Variants in STK24 observed in about 807,000 individuals in gnomAD.
STK24 encodes serine/threonine kinase 24.
Under a neutral mutation model 55.6 loss-of-function variants are expected in STK24, and 21 were observed. That is an observed-to-expected ratio of 0.38 (90% CI 0.27 to 0.54). STK24 has a LOEUF of 0.54. Among genes scored for constraint, STK24 ranks in the 20% least tolerant of loss-of-function variants. The pLI, the probability that STK24 is intolerant of heterozygous loss-of-function variation, is 0.79. For synonymous variants in STK24, 200 were observed against 215.2 expected (o/e 0.93, Z 0.62); for missense variants, 383 against 538.4 (o/e 0.71, Z 2.86).
intron 8 of STK24, 93 bp from the exon 9 acceptor site, chr13:98,460,533 A>G (rs1212145404): frequency 2.6e-5 from 27 of 1,039,370 alleles, no homozygotes; most frequent in Non-Finnish European, 3.5e-5. Context: ...ATGGAAGCGC[A>G]GGAGTTGCCT....
At chr13:98,462,619 C>A (rs536056996) in intron 7 of STK24, among the ~76,000 whole-genome samples, 1 of 152,258 alleles carries the variant, frequency 6.6e-6, no homozygotes, top group East Asian at 1.9e-4. Flanking sequence ...CCCACATGCC[C>A]CAACTGACAC....
At chr13:98,535,273 G>A (rs1178098321) in intron 1 of STK24, among the ~76,000 whole-genome samples, 2 of 143,332 alleles carry the variant, frequency 1.4e-5, no homozygotes, top group African/African-American at 5.2e-5. Context: ...GGAGACGGAG[G>A]CTGCAGTGAG....
chr13:98,576,184 G>C (rs1897886429), intron 1 of STK24: 2 of 985,270 alleles, frequency 2.0e-6, no homozygotes, highest in Admixed American at 6.1e-5. Flanking sequence ...CAAAGCCACT[G>C]CAAGTGGAAC....
intron 2 of STK24, among the ~76,000 whole-genome samples, chr13:98,489,010 C>G (rs578111390): frequency 6.6e-6 from 1 of 152,290 alleles, no homozygotes; most frequent in Non-Finnish European, 1.5e-5. Context: ...CACAGACTTC[C>G]TTAAGAGCGT....
chr13:98,492,214 T>G (rs1323467352), intron 2 of STK24, among the ~76,000 whole-genome samples: 2 of 152,004 alleles, frequency 1.3e-5, no homozygotes, highest in Non-Finnish European at 2.9e-5. Flanking sequence ...GGCACAGTAT[T>G]TTTTAAGGGC....
At position 98,446,565 on chromosome 13, in the gene STK24, C is replaced by A; in HGVS notation, c.*6608G>T. 7.9e-7 allele frequency: 1 copy of A among 1,264,472 alleles called. No homozygotes were observed. The allele number at this position is 1,264,472 out of a possible 1,614,324, so 78.3% of individuals were successfully genotyped here. Reference sequence around the variant, plus strand: ...TCCAGGCCCACGCCCGAGGAGGGAGCTGCCTGGGCTCCCAAGTCCCTGTCT... The same window carrying A: ...TCCAGGCCCACGCCCGAGGAGGGAGATGCCTGGGCTCCCAAGTCCCTGTCT... On this transcript the variant is annotated 3_prime_UTR_variant, in exon 11 of 11. Transcript: ENST00000539966.
At chr13:98,482,081 AG>A (rs1566360025) in intron 3 of STK24, among the ~76,000 whole-genome samples, 183 bp downstream of exon 3, 1 of 151,898 alleles carries the variant, frequency 6.6e-6, no homozygotes, top group Non-Finnish European at 1.5e-5. Context: ...AAAAAAAAAA[AG>A]GTAAACCAAT....
intron 1 of STK24, among the ~76,000 whole-genome samples, chr13:98,548,023 A>C (rs557013640): frequency 6.6e-6 from 1 of 152,180 alleles, no homozygotes; most frequent in Non-Finnish European, 1.5e-5. Context: ...TTCCCGCTCC[A>C]GCAGCAAATC....
At chr13:98,517,787 G>A (rs1896119796) in intron 2 of STK24, among the ~76,000 whole-genome samples, 1 of 152,128 alleles carries the variant, frequency 6.6e-6, no homozygotes, top group African/African-American at 2.4e-5. Context: ...CTTTAACCCT[G>A]GTTTCCTTGG....
chr13:98,561,563 CAGAGTG>C (rs1462409990), intron 1 of STK24, among the ~76,000 whole-genome samples: 1 of 149,556 alleles, frequency 6.7e-6, no homozygotes, highest in Non-Finnish European at 1.5e-5. Flanking sequence ...GCTAGGGCAA[CAGAGTG>C]AGACTGTCTC....
chr13:98,464,489 G>A (rs1893852479), intron 6 of STK24, among the ~76,000 whole-genome samples: 2 of 128,082 alleles, frequency 1.6e-5, no homozygotes, highest in Non-Finnish European at 3.3e-5. Flanking sequence ...GTTCTGTGTT[G>A]TTTAACTTTT....
At chr13:98,488,842 C>T (rs1179753968) in intron 2 of STK24, among the ~76,000 whole-genome samples, 1 of 152,206 alleles carries the variant, frequency 6.6e-6, no homozygotes, top group Non-Finnish European at 1.5e-5. Context: ...AGATGCTACA[C>T]AGCTAACAGT....
At chr13:98,535,087 G>A (rs1896678923) in intron 1 of STK24, among the ~76,000 whole-genome samples, 2 of 152,160 alleles carry the variant, frequency 1.3e-5, no homozygotes, top group Non-Finnish European at 2.9e-5. Context: ...GGTGGCTCAC[G>A]CCTGTAATCC....
intron 2 of STK24, among the ~76,000 whole-genome samples, chr13:98,511,084 G>A (rs1023413012): frequency 2.6e-5 from 4 of 152,066 alleles, no homozygotes; most frequent in East Asian, 1.9e-4. Context: ...CTGCAGCCTC[G>A]AACACCTGGG....
At chr13:98,476,368 C>T (rs72655609) in intron 3 of STK24, among the ~76,000 whole-genome samples, 10 of 152,118 alleles carry the variant, frequency 6.6e-5, no homozygotes, top group Admixed American at 4.6e-4. Flanking sequence ...GATGTCTAAT[C>T]GATGCAGGTA....
Position 98,473,003 on chromosome 13 carries a change from T to C in STK24, c.597+1818A>G, listed in dbSNP as rs1212781557. ...CTGCCCCGCCACTCTCTAGGGATAT[T>C]TGTCACCTAAGGCAGGTAACTCACT... On this transcript the variant is annotated intron_variant, in intron 5 of 10. Coordinates refer to ENST00000539966, the MANE Select transcript of STK24 (RefSeq NM_001032296.4). 3.3e-5 allele frequency among the ~76,000 whole-genome samples: 5 copies of C among 151,900 alleles called. No individual in the cohort carries two copies. The East Asian group carries it at 9.9e-4, about 30-fold the overall frequency.
In STK24 at chr13:98,446,580, A is replaced by G; in HGVS notation, c.*6593T>C. 1 of 1,436,764 alleles carries G rather than the reference A, an allele frequency of 7.0e-7. No homozygotes were observed. The highest frequency in any genetic ancestry group is 9.7e-7 in the Non-Finnish European group (1 of 1,034,194). The allele number at this position is 1,436,764 out of a possible 1,614,324, so 89.0% of individuals were successfully genotyped here. ...GAGGAGGGAGCTGCCTGGGCTCCCA[A>G]GTCCCTGTCTGATGCGGGGCAGCAG... On this transcript the variant is annotated 3_prime_UTR_variant, in exon 11 of 11. Transcript: ENST00000539966.
chr13:98,449,251 C>T lies in STK24; in HGVS notation c.*3922G>A, dbSNP rs1299781136. Reference sequence around the variant, plus strand: ...GTAGTCCCCGGCACCTGTCGTTATTCCTATATCCTCCTGCAACTGTGGTTT... The same window carrying T: ...GTAGTCCCCGGCACCTGTCGTTATTTCTATATCCTCCTGCAACTGTGGTTT... On this transcript the variant is annotated 3_prime_UTR_variant, in exon 11 of 11. Transcript: ENST00000539966. 2 of 152,230 alleles carry T rather than the reference C, an allele frequency of 1.3e-5. No individual in the cohort carries two copies. Among genetic ancestry groups the T allele is most frequent in the Non-Finnish European group, 2.9e-5 (2 of 68,056 alleles). 9.4% of individuals were successfully genotyped at this position (152,230 alleles called of 1,614,324 possible). A position where few individuals can be genotyped will look rare whatever the true frequency, so the allele number is the denominator to read the frequency against.
rs1199899016 is a variant in STK24, at chr13:98,475,293, G to A, written c.396C>T (p.Leu132=). Residue 132 remains leucine, a synonymous_variant, in exon 4 of 11, where the codon CTC becomes CTT. Coordinates refer to ENST00000539966, the MANE Select transcript of STK24 (RefSeq NM_001032296.4). The part of the protein sequence containing the change: ...ATILREILKG[L]DYLHSEKKIH... ...TTTTCTTCTCCGAATGGAGATAATCGAGTCCTTTCAGTATTTCTCTTAATA... is the reference window on the plus strand; with the variant it reads ...TTTTCTTCTCCGAATGGAGATAATCAAGTCCTTTCAGTATTTCTCTTAATA... 6 of 1,613,806 alleles carry A rather than the reference G, an allele frequency of 3.7e-6. No individual in the cohort carries two copies. Among genetic ancestry groups the A allele is most frequent in the African/African-American group, 1.3e-5 (1 of 75,004 alleles).
Sources: gnomAD v4.1 joint callset for allele counts (sites outside exome capture counted in the v4.1 genomes callset) on GRCh38, gnomAD v4.1.1 for gene constraint, MANE v1.5 for transcripts, NCBI Gene and HGNC (gene_info 2026-07-23, HGNC 2026-07-21) for gene names.